Variants in ARHGAP32 observed in about 807,000 individuals in gnomAD.
ARHGAP32 encodes Rho GTPase activating protein 32.
A neutral mutation model predicts 186.5 loss-of-function variants in ARHGAP32; 51 were observed. The observed-to-expected ratio is 0.27, with a 90% confidence interval of 0.22 to 0.35. ARHGAP32 has a LOEUF of 0.35. Ranked by LOEUF, ARHGAP32 falls within the 10% of genes least tolerant of loss-of-function variation. ARHGAP32 has a pLI of 1.00. For missense variants in ARHGAP32, 2,186 were observed against 2,623.5 expected (o/e 0.83, Z 3.64); for synonymous variants, 950 against 964.3 (o/e 0.99, Z 0.27).
intron 1 of ARHGAP32, among the ~76,000 whole-genome samples, chr11:129,235,230 T>G (rs994915888): frequency 2.0e-5 from 3 of 152,116 alleles, no homozygotes; most frequent in Non-Finnish European, 4.4e-5. Flanking sequence ...CCTGTTATCT[T>G]ACCTTCTGAA....
chr11:129,228,474 T>TTAAC (rs1944814213), intron 1 of ARHGAP32, among the ~76,000 whole-genome samples: 1 of 152,154 alleles, frequency 6.6e-6, no homozygotes, highest in Non-Finnish European at 1.5e-5. Flanking sequence ...GACAACAAAA[T>TTAAC]TAACTATTTT....
At chr11:129,212,734 C>A (rs1944596269) in intron 1 of ARHGAP32, among the ~76,000 whole-genome samples, 1 of 152,140 alleles carries the variant, frequency 6.6e-6, no homozygotes, top group Non-Finnish European at 1.5e-5. Context: ...AACTTCATAG[C>A]ATAACTTGTT....
intron 5 of ARHGAP32, among the ~76,000 whole-genome samples, chr11:129,098,399 A>C: frequency 6.6e-6 from 1 of 151,748 alleles, no homozygotes; most frequent in Admixed American, 6.6e-5. Context: ...AAAGGCTAGC[A>C]TTATTTATTT....
At chr11:129,082,410 C>T (rs507990) in intron 6 of ARHGAP32, among the ~76,000 whole-genome samples, 114,448 of 152,114 alleles carry the variant, frequency 0.75, 43,995 homozygotes, top group African/African-American at 0.91. Flanking sequence ...AATAGGCACA[C>T]AGACCAACGG....
At chr11:128,977,638 A>G (rs964343763) in intron 19 of ARHGAP32, among the ~76,000 whole-genome samples, 6 of 152,020 alleles carry the variant, frequency 3.9e-5, no homozygotes, top group Non-Finnish European at 8.8e-5. Flanking sequence ...CCTCCTCTAC[A>G]AGAGTTGACA....
intron 12 of ARHGAP32, among the ~76,000 whole-genome samples, chr11:128,998,041 T>C (rs1374680655): frequency 3.9e-5 from 6 of 152,144 alleles, no homozygotes; most frequent in Admixed American, 1.3e-4. Flanking sequence ...TAGGGAGAAA[T>C]AGAAACTCAG....
chr11:129,143,336 C>T (rs1943101380), intron 2 of ARHGAP32, among the ~76,000 whole-genome samples: 1 of 152,052 alleles, frequency 6.6e-6, no homozygotes, highest in African/African-American at 2.4e-5. Context: ...GTTTCAGTTA[C>T]CCATGGTCAA....
intron 6 of ARHGAP32, among the ~76,000 whole-genome samples, chr11:129,072,685 G>C (rs559131912): frequency 2.0e-4 from 30 of 152,244 alleles, no homozygotes; most frequent in African/African-American, 7.2e-4. Context: ...AATTGCTAGA[G>C]GCTCAGGGAT....
At chr11:129,002,076 T>C (rs578219537) in intron 11 of ARHGAP32, among the ~76,000 whole-genome samples, 8 of 152,184 alleles carry the variant, frequency 5.3e-5, no homozygotes, top group African/African-American at 1.4e-4. Flanking sequence ...AGGATTGCTA[T>C]GGCTATTATT....
Position 128,977,558 on chromosome 11 carries a change from G to T in ARHGAP32, c.2123-924C>A, listed in dbSNP as rs552712882. Among the ~76,000 whole-genome samples, 8 of 152,130 alleles carry T rather than the reference G, an allele frequency of 5.3e-5. No individual in the cohort carries two copies. The South Asian group carries it at 1.7e-3, about 32-fold the overall frequency. ...CCTGAAATACCATTCTTAGTCTCCT[G>T]TCAGTTAGGTGAATCCCTACTTCTC... On this transcript the variant is annotated intron_variant, in intron 19 of 22. Coordinates refer to ENST00000682385, the MANE Select transcript of ARHGAP32 (RefSeq NM_001378024.1).
chr11:129,201,745 C>A (rs1007566937), intron 1 of ARHGAP32, among the ~76,000 whole-genome samples: 3 of 152,040 alleles, frequency 2.0e-5, no homozygotes, highest in African/African-American at 7.3e-5. Flanking sequence ...CTTTGGGAGG[C>A]CAAGGCAGGA....
intron 11 of ARHGAP32, among the ~76,000 whole-genome samples, chr11:129,031,930 C>T (rs1939132453): frequency 1.3e-5 from 2 of 152,276 alleles, no homozygotes; most frequent in South Asian, 4.1e-4. Context: ...GGCTCGACGG[C>T]AGGACTTCAG....
At chr11:128,982,474 CGT>C (rs60379183) in intron 15 of ARHGAP32, among the ~76,000 whole-genome samples, 4,013 of 147,376 alleles carry the variant, frequency 0.027, 81 homozygotes, top group African/African-American at 0.06. Flanking sequence ...AGGTAAGTGC[CGT>C]GTGTGTGTGT....
intron 11 of ARHGAP32, among the ~76,000 whole-genome samples, chr11:129,039,060 GA>G (rs1333280650): frequency 3.3e-5 from 5 of 152,000 alleles, no homozygotes; most frequent in African/African-American, 1.2e-4. Context: ...TCACAATTAA[GA>G]AGGCAATAAT....
chr11:128,983,531 T>A (rs542775174), intron 15 of ARHGAP32, among the ~76,000 whole-genome samples: 3 of 149,034 alleles, frequency 2.0e-5, no homozygotes, highest in African/African-American at 7.3e-5. Context: ...CATTAGGAGA[T>A]ATACCTAATG....
intron 2 of ARHGAP32, among the ~76,000 whole-genome samples, chr11:129,153,089 AACAG>A (rs768412610): frequency 1.2e-4 from 19 of 152,128 alleles, no homozygotes; most frequent in Non-Finnish European, 2.4e-4. Context: ...GCTGTACAAC[AACAG>A]CAACGAAGCT....
chr11:128,982,665 T>A (rs565465188), intron 15 of ARHGAP32, among the ~76,000 whole-genome samples: 1 of 152,112 alleles, frequency 6.6e-6, no homozygotes, highest in Admixed American at 6.5e-5. Flanking sequence ...GGCAGGCAGA[T>A]CACTTGAACT....
intron 6 of ARHGAP32, among the ~76,000 whole-genome samples, chr11:129,080,953 C>A (rs1299463223): frequency 3.3e-5 from 5 of 151,926 alleles, no homozygotes. Context: ...ATAAAAAGAT[C>A]ATTCAAAGAT....
intron 1 of ARHGAP32, among the ~76,000 whole-genome samples, chr11:129,269,794 T>C (rs1407014177): frequency 6.6e-6 from 1 of 152,104 alleles, no homozygotes; most frequent in Non-Finnish European, 1.5e-5. Context: ...GTGCTTTTAT[T>C]CAAAGGGAAG....
Sources: allele counts gnomAD v4.1 joint callset (sites outside exome capture counted in the v4.1 genomes callset), GRCh38; gene constraint gnomAD v4.1.1; transcripts MANE v1.5; gene names NCBI Gene and HGNC (gene_info 2026-07-23, HGNC 2026-07-21).